Variants in SPSB1 observed in about 807,000 individuals in gnomAD.
SPSB1 encodes the protein SPRY domain-containing SOCS box protein 1.
SPSB1 carries 8 observed loss-of-function variants against 21.2 expected under a neutral mutation model. The observed-to-expected ratio is 0.38, with a 90% CI of 0.22 to 0.68. SPSB1 has a LOEUF of 0.68. Among genes scored for constraint, SPSB1 ranks in the 30% least tolerant of loss-of-function variants. SPSB1 has a pLI of 0.53. For missense variants in SPSB1, 242 were observed against 377.8 expected, an observed-to-expected ratio of 0.64 and a Z score of 2.98; for synonymous variants, 169 against 161.7, an observed-to-expected ratio of 1.05 and a Z score of -0.34.
chr1:9,298,220 T>G (rs1355644408), intron 1 of SPSB1, among the ~76,000 whole-genome samples: 1 of 152,238 alleles, frequency 6.6e-6, no homozygotes, highest in Non-Finnish European at 1.5e-5. Context: ...GTTACTTGAT[T>G]CTTTTAAGTT....
chr1:9,343,459 A>G (rs1201569128), intron 1 of SPSB1, among the ~76,000 whole-genome samples: 1 of 152,238 alleles, frequency 6.6e-6, no homozygotes, highest in African/African-American at 2.4e-5. Flanking sequence ...TTATGGCTGA[A>G]TAATATTCCA....
chr1:9,303,991 G>A (rs1379858746), intron 1 of SPSB1, among the ~76,000 whole-genome samples: 2 of 152,220 alleles, frequency 1.3e-5, no homozygotes, highest in East Asian at 3.8e-4. Context: ...GTGTCTGTGA[G>A]GGTGTTTTTG....
At position 9,340,112 on chromosome 1, in the gene SPSB1, C is replaced by T. The variant is rs988936649; in HGVS notation, c.-149-15631C>T. Among the ~76,000 whole-genome samples the T allele has an allele frequency of 4.6e-5, 7 of 152,310 alleles. No homozygotes were observed. The East Asian group carries it at 1.2e-3, about 25-fold the overall frequency. ...AGCTCCTGGGTGATGGTCTGTGGGC[C>T]GCCCTAGGGTCACCGGGTGCAGGGC... is the stretch of plus-strand genomic sequence containing the variant. On this transcript the variant is annotated intron_variant, in intron 1 of 2. Transcript: ENST00000328089.
rs1307309107 is a variant in SPSB1, at chr1:9,346,929, A to G, written c.-149-8814A>G. Reference sequence around the variant, plus strand: ...TTAAAATCTGTAATTTTGAAACAGTATAATCGGAAGTCTTGGGATAGATCA... The same window carrying G: ...TTAAAATCTGTAATTTTGAAACAGTGTAATCGGAAGTCTTGGGATAGATCA... On this transcript the variant is annotated intron_variant, in intron 1 of 2. Coordinates refer to ENST00000328089, the MANE Select transcript of SPSB1 (RefSeq NM_025106.4). The surrounding 1 kb of genome is among the most constrained non-coding windows in gnomAD (Gnocchi z 4.4). Among the ~76,000 whole-genome samples, 2 of 152,238 alleles carry G rather than the reference A, an allele frequency of 1.3e-5. No individual in the cohort carries two copies. Among genetic ancestry groups the G allele is most frequent in the Non-Finnish European group, 2.9e-5 (2 of 68,052 alleles).
chr1:9,334,131 GC>G (rs1315768571), intron 1 of SPSB1, among the ~76,000 whole-genome samples: 2 of 152,144 alleles, frequency 1.3e-5, no homozygotes, highest in African/African-American at 2.4e-5. Flanking sequence ...TGTTGCCCAG[GC>G]TGGAGTGCGG....
rs1435449931 is a variant in SPSB1, at chr1:9,356,288, G to A, written c.397G>A (p.Val133Met). The change falls in exon 2 of 3, where the codon GTG (valine) becomes ATG (methionine). Residue 133 changes from valine to methionine, a missense_variant. Val to Met is a conservative substitution (Grantham distance 21). Transcript: ENST00000328089. This position sits in a 1 kb window ranked among gnomAD's most constrained non-coding sequence, Gnocchi z 7.4. ...GCACTCTGTCGGGTACACAACCCTC[G>A]TGGGGAATAACCACGAGTCCTGGGG... is the stretch of plus-strand genomic sequence containing the variant. ...PLHSVGYTTL[V>M]GNNHESWGWD... 6.2e-7 allele frequency: 1 copy of A among 1,613,478 alleles called. No individual in the cohort carries two copies. The highest frequency in any genetic ancestry group is 1.3e-5 in the African/African-American group (1 of 74,940).
intron 1 of SPSB1, among the ~76,000 whole-genome samples, chr1:9,339,465 C>T (rs920820135): frequency 6.6e-6 from 1 of 152,126 alleles, no homozygotes; most frequent in African/African-American, 2.4e-5. Context: ...GCAGTGGAGG[C>T]CAACCAGGGA....
chr1:9,351,876 G>A (rs1176324719), intron 1 of SPSB1, among the ~76,000 whole-genome samples: 2 of 152,202 alleles, frequency 1.3e-5, no homozygotes, highest in East Asian at 1.9e-4. Flanking sequence ...AGAAGTGGCC[G>A]GGTGTGTGGG....
At chr1:9,335,991 C>T (rs1417101578) in intron 1 of SPSB1, among the ~76,000 whole-genome samples, 1 of 152,208 alleles carries the variant, frequency 6.6e-6, no homozygotes, top group African/African-American at 2.4e-5. Context: ...GCTGTGTAAG[C>T]ATCCAGCACT....
In SPSB1 at chr1:9,368,315, C is replaced by T. The variant is rs1176389163; in HGVS notation, c.*740C>T. The T allele has an allele frequency of 6.6e-6, 1 of 152,436 alleles. No homozygotes were observed. Among genetic ancestry groups the T allele is most frequent in the Non-Finnish European group, 1.5e-5 (1 of 68,076 alleles). 9.4% of individuals were successfully genotyped at this position (152,436 alleles called of 1,614,324 possible). On this transcript the variant is annotated 3_prime_UTR_variant, in exon 3 of 3. Transcript: ENST00000328089. ...CTCCCTGGGATATGTATGCCTCGCCCGCCCTCCCTGGGCACATGTGCACAC... is the reference window on the plus strand; with the variant it reads ...CTCCCTGGGATATGTATGCCTCGCCTGCCCTCCCTGGGCACATGTGCACAC...
At chr1:9,312,055 C>T (rs1298029529) in intron 1 of SPSB1, among the ~76,000 whole-genome samples, 1 of 152,072 alleles carries the variant, frequency 6.6e-6, no homozygotes, top group African/African-American at 2.4e-5. Flanking sequence ...GTGATCATAG[C>T]TCACTGCACC....
rs193013443 is a variant in SPSB1 at position 9,296,192 on chromosome 1, G to A, written c.-150+3121G>A. On this transcript the variant is annotated intron_variant, in intron 1 of 2. Coordinates refer to ENST00000328089, the MANE Select transcript of SPSB1 (RefSeq NM_025106.4). The stretch of plus-strand genomic sequence containing the variant: ...GGTTTCATGGTTTCACGGTGCGTGC[G>A]AGTACTGGCTCTGATCTGAGTCCTT... Among the ~76,000 whole-genome samples the A allele has an allele frequency of 2.7e-3, 414 of 152,286 alleles. 1 individual carries two copies. The highest frequency in any genetic ancestry group is 9.4e-3 in the African/African-American group (391 of 41,536).
At chr1:9,338,403 G>C (rs1469678450) in intron 1 of SPSB1, among the ~76,000 whole-genome samples, 1 of 152,214 alleles carries the variant, frequency 6.6e-6, no homozygotes, top group Non-Finnish European at 1.5e-5. Flanking sequence ...GGCTATCCTG[G>C]CTGCGCCTAA....
chr1:9,312,056 T>A (rs946690254), intron 1 of SPSB1, among the ~76,000 whole-genome samples: 1 of 152,162 alleles, frequency 6.6e-6, no homozygotes, highest in African/African-American at 2.4e-5. Flanking sequence ...TGATCATAGC[T>A]CACTGCACCT....
chr1:9,319,391 TCTCCTCC>T (rs372159966), intron 1 of SPSB1, among the ~76,000 whole-genome samples: 2,590 of 151,622 alleles, frequency 0.017, 52 homozygotes, highest in South Asian at 0.065. Flanking sequence ...GTGCTTTGCT[TCTCCTCC>T]CTCCTCCCTC....
At chr1:9,328,600 G>A (rs1557454433) in intron 1 of SPSB1, among the ~76,000 whole-genome samples, 1 of 152,250 alleles carries the variant, frequency 6.6e-6, no homozygotes. Flanking sequence ...CCCAGAGGCT[G>A]ATGAGTGTGT....
At chr1:9,322,156 C>T (rs1161802754) in intron 1 of SPSB1, among the ~76,000 whole-genome samples, 2 of 152,174 alleles carry the variant, frequency 1.3e-5, no homozygotes, top group East Asian at 1.9e-4. Context: ...AGGCTGGCTC[C>T]GTCTTTGCCT....
In SPSB1 at chr1:9,311,288, G is replaced by A. The variant is rs75876526; in HGVS notation, c.-150+18217G>A. Among the ~76,000 whole-genome samples, 1,360 of 151,952 alleles carry A rather than the reference G, an allele frequency of 9.0e-3. 24 individuals are homozygous for A. Among genetic ancestry groups the A allele is most frequent in the African/African-American group, 0.031 (1,274 of 41,406 alleles). ...AGACAGGGCCGACCCAGGAGGCTGCGTCTGAGCCGAGTCCTGACCCATGAC... is the reference window on the plus strand; with the variant it reads ...AGACAGGGCCGACCCAGGAGGCTGCATCTGAGCCGAGTCCTGACCCATGAC... On this transcript the variant is annotated intron_variant, in intron 1 of 2. Transcript: ENST00000328089.
At chr1:9,329,079 G>A (rs967567230) in intron 1 of SPSB1, among the ~76,000 whole-genome samples, 1 of 152,224 alleles carries the variant, frequency 6.6e-6, no homozygotes, top group Admixed American at 6.5e-5. Flanking sequence ...AGCTCTGGCA[G>A]ATGTGTAGGA....
Sources: gnomAD v4.1 joint callset for allele counts (sites outside exome capture counted in the v4.1 genomes callset) on GRCh38, gnomAD v4.1.1 for gene constraint, Gnocchi (gnomAD v3.1) non-coding constraint, MANE v1.5 for transcripts, NCBI Gene and HGNC (gene_info 2026-07-23, HGNC 2026-07-21) for gene names.